The following C3orf70 variants were observed in gnomAD, a reference collection of about 807,000 sequenced individuals.
The protein encoded by C3orf70 is UPF0524 protein C3orf70.
Under a neutral mutation model 20.7 loss-of-function variants are expected in C3orf70, and 15 were observed. That is an observed-to-expected ratio of 0.72 (90% confidence interval 0.48 to 1.11). C3orf70 has a LOEUF of 1.11. Among genes scored for constraint, C3orf70 ranks in the 50% most tolerant of loss-of-function variants. C3orf70 has a pLI of 0.00. For synonymous variants in C3orf70, 161 were observed against 125.7 expected (o/e 1.28, Z -1.88); for missense variants, 332 against 317.6 (o/e 1.05, Z -0.34).
intron 1 of C3orf70, among the ~76,000 whole-genome samples, chr3:185,137,123 G>A (rs564272137): frequency 2.0e-4 from 31 of 152,212 alleles, no homozygotes; most frequent in Middle Eastern, 3.4e-3. Flanking sequence ...TGCTGTTCTC[G>A]TGGTAGTGAA....
chr3:185,105,999 GGA>G (rs1715930302), intron 1 of C3orf70, among the ~76,000 whole-genome samples: 1 of 152,176 alleles, frequency 6.6e-6, no homozygotes, highest in African/African-American at 2.4e-5. Flanking sequence ...GGCAAAGGAA[GGA>G]GAGGTTCATC....
rs1715277236 is a variant in C3orf70 at position 185,079,288 on chromosome 3, A to AAAAAAAAAAAAAAAAAAAAAAAAAAAAC, written c.*3718_*3719insGTTTTTTTTTTTTTTTTTTTTTTTTTTT. The stretch of plus-strand genomic sequence containing the variant: ...GGAGCGAGACTCTGTCTCAAAAAAA[A>AAAAAAAAAAAAAAAAAAAAAAAAAAAAC]AAAAAAAAAAAAAAAAGTAAAGCCA... On this transcript the variant is annotated 3_prime_UTR_variant, in exon 2 of 2. Transcript: ENST00000335012. 1 of 148,008 alleles carries AAAAAAAAAAAAAAAAAAAAAAAAAAAAC rather than the reference A, an allele frequency of 6.8e-6. No individual in the cohort carries two copies. The highest frequency in any genetic ancestry group is 1.5e-5 in the Non-Finnish European group (1 of 67,416). 9.2% of individuals were successfully genotyped at this position (148,008 alleles called of 1,614,324 possible).
intron 1 of C3orf70, among the ~76,000 whole-genome samples, chr3:185,086,871 C>T (rs1447825633): frequency 2.0e-5 from 3 of 152,156 alleles, no homozygotes; most frequent in Non-Finnish European, 4.4e-5. Flanking sequence ...TTTGAAATAT[C>T]AATCATTACA....
At chr3:185,104,431 C>A (rs907982539) in intron 1 of C3orf70, among the ~76,000 whole-genome samples, 1 of 152,120 alleles carries the variant, frequency 6.6e-6, no homozygotes, top group Non-Finnish European at 1.5e-5. Context: ...CCTCAAAGAC[C>A]TAAAAACAGA....
rs143968249 is a variant in C3orf70, at chr3:185,094,385, T to C, written c.197-10822A>G. On this transcript the variant is annotated intron_variant, in intron 1 of 1. Transcript: ENST00000335012. ...AGCCGCTGCGCCCGGCCTATTTGTA[T>C]TTTTTATTGTTGTATTGTTATTTCT... 1.3e-4 allele frequency among the ~76,000 whole-genome samples: 20 copies of C among 152,208 alleles called. No homozygotes were observed. The East Asian group carries it at 3.9e-3, about 29-fold the overall frequency.
chr3:185,143,146 T>C (rs558777002), intron 1 of C3orf70, among the ~76,000 whole-genome samples: 1 of 152,352 alleles, frequency 6.6e-6, no homozygotes, highest in South Asian at 2.1e-4. Flanking sequence ...GTCCTCATTC[T>C]TGAGACAGGC....
Position 185,150,684 on chromosome 3 carries a change from T to A in C3orf70, c.196+1944A>T, listed in dbSNP as rs563550193. On this transcript the variant is annotated intron_variant, in intron 1 of 1. Transcript: ENST00000335012. Reference sequence around the variant, plus strand: ...GCAGTATCTCGAACATGGGAGGTAGTGGTCTTGTTCAACTCTAGACTGATC... The same window carrying A: ...GCAGTATCTCGAACATGGGAGGTAGAGGTCTTGTTCAACTCTAGACTGATC... 4.6e-5 allele frequency among the ~76,000 whole-genome samples: 7 copies of A among 152,344 alleles called. No individual in the cohort carries two copies. The East Asian group carries it at 1.3e-3, about 29-fold the overall frequency.
chr3:185,126,871 AACATGCAAGAAATC>A (rs1263244638), intron 1 of C3orf70, among the ~76,000 whole-genome samples: 2 of 152,216 alleles, frequency 1.3e-5, no homozygotes, highest in Non-Finnish European at 2.9e-5. Context: ...ACAAATTTTA[AACATGCAAGAAATC>A]ACTTGTCCAT....
intron 1 of C3orf70, among the ~76,000 whole-genome samples, chr3:185,150,870 G>A (rs932352828): frequency 3.9e-5 from 6 of 152,126 alleles, no homozygotes; most frequent in African/African-American, 1.4e-4. Context: ...GTATAAATAG[G>A]ACAAAGAAAT....
Position 185,148,431 on chromosome 3 carries a change from C to T in C3orf70, c.196+4197G>A, listed in dbSNP as rs114014532. On this transcript the variant is annotated intron_variant, in intron 1 of 1. Coordinates refer to ENST00000335012, the MANE Select transcript of C3orf70 (RefSeq NM_001025266.3). ...CTAGAAGTTAACCTTAATAATCTTC[C>T]CCTCCCTTCCCGACCAAATTTAATT... Among the ~76,000 whole-genome samples, 1,099 of 152,206 alleles carry T rather than the reference C, an allele frequency of 7.2e-3. 20 individuals are homozygous for T. Among genetic ancestry groups the T allele is most frequent in the African/African-American group, 0.025 (1,053 of 41,530 alleles).
At chr3:185,098,794 T>C (rs887710451) in intron 1 of C3orf70, among the ~76,000 whole-genome samples, 2 of 152,196 alleles carry the variant, frequency 1.3e-5, no homozygotes, top group East Asian at 3.9e-4. Context: ...CCCTTCATAA[T>C]GTGGGTGGGC....
chr3:185,152,910 G>A lies in C3orf70; in HGVS notation c.-87C>T. On this transcript the variant is annotated 5_prime_UTR_variant, in exon 1 of 2. Coordinates refer to ENST00000335012, the MANE Select transcript of C3orf70 (RefSeq NM_001025266.3). ...AGGAAGCCGAGCCGGCTGCGGACGC[G>A]GGAGGGCGCGGCACGGGCCGGGAGT... The A allele has an allele frequency of 3.2e-6, 4 of 1,260,948 alleles. No homozygotes were observed. Among genetic ancestry groups the A allele is most frequent in the Non-Finnish European group, 4.1e-6 (4 of 964,610 alleles). 78.1% of individuals were successfully genotyped at this position (1,260,948 alleles called of 1,614,324 possible).
chr3:185,128,032 T>C (rs1716449177), intron 1 of C3orf70, among the ~76,000 whole-genome samples: 1 of 152,194 alleles, frequency 6.6e-6, no homozygotes, highest in African/African-American at 2.4e-5. Flanking sequence ...AATTTTCAAA[T>C]TAAATACGCA....
intron 1 of C3orf70, among the ~76,000 whole-genome samples, chr3:185,100,478 G>C (rs35997348): frequency 0.46 from 69,198 of 151,968 alleles, 16,997 homozygotes; most frequent in Non-Finnish European, 0.58. Context: ...GGCAGAAAAA[G>C]AAATTCTTTG....
Position 185,079,812 on chromosome 3 carries a change from T to C in C3orf70, c.*3195A>G, listed in dbSNP as rs1715292428. The stretch of plus-strand genomic sequence containing the variant: ...TTGCTCCAATGAGCATATTACTGGG[T>C]CCAAAGTATACAGCTTTCATATCTG... On this transcript the variant is annotated 3_prime_UTR_variant, in exon 2 of 2. Coordinates refer to ENST00000335012, the MANE Select transcript of C3orf70 (RefSeq NM_001025266.3). The C allele has an allele frequency of 6.6e-6, 1 of 152,664 alleles. No homozygotes were observed. Among genetic ancestry groups the C allele is most frequent in the South Asian group, 2.1e-4 (1 of 4,834 alleles). 9.5% of individuals were successfully genotyped at this position (152,664 alleles called of 1,614,324 possible).
intron 1 of C3orf70, among the ~76,000 whole-genome samples, chr3:185,137,154 GGT>G (rs1716645993): frequency 6.6e-6 from 1 of 152,102 alleles, no homozygotes. Context: ...AACATCTGAT[GGT>G]TATAAAAAGG....
chr3:185,135,014 C>G lies in C3orf70; in HGVS notation c.196+17614G>C, dbSNP rs779668514. Among the ~76,000 whole-genome samples the G allele has an allele frequency of 2.0e-5, 3 of 152,170 alleles. 1 individual carries two copies. The highest frequency in any genetic ancestry group is 4.2e-4 in the South Asian group (2 of 4,814). On this transcript the variant is annotated intron_variant, in intron 1 of 1. Transcript: ENST00000335012. The stretch of plus-strand genomic sequence containing the variant: ...GCCCCTTCCCCTGCCAGAATGGTAT[C>G]CCAAAAAAGCCAGCAAAAACAGAAG...
intron 1 of C3orf70, among the ~76,000 whole-genome samples, chr3:185,149,955 A>T (rs1270299572): frequency 3.9e-5 from 6 of 152,256 alleles, no homozygotes; most frequent in African/African-American, 1.4e-4. Context: ...CATTTAGAAA[A>T]GAAAATGGTA....
intron 1 of C3orf70, 64 bp downstream of exon 1, chr3:185,152,564 C>G (rs1486509688): frequency 1.4e-6 from 2 of 1,451,972 alleles, no homozygotes; most frequent in African/African-American, 3.0e-5. Flanking sequence ...GGCAGCGACC[C>G]CGGACGGCCC....
Sources: gnomAD v4.1 joint callset for allele counts (sites outside exome capture counted in the v4.1 genomes callset) on GRCh38, gnomAD v4.1.1 for gene constraint, MANE v1.5 for transcripts, NCBI Gene and HGNC (gene_info 2026-07-23, HGNC 2026-07-21) for gene names.